Variants in TTN observed in about 807,000 individuals in gnomAD.
TTN encodes connectin.
In TTN, 1,525 loss-of-function variants were observed where a neutral mutation model predicts 3,223.0. The observed-to-expected ratio is 0.47, with a 90% CI of 0.45 to 0.49. The LOEUF is 0.49. TTN is among the 20% of genes least tolerant of loss of function. The pLI, the probability that TTN is intolerant of heterozygous loss-of-function variation, is 0.00. For missense variants in TTN, 40,786 were observed against 43,424.0 expected (o/e 0.94, Z 5.40); for synonymous variants, 14,094 against 15,161.0 (o/e 0.93, Z 5.17).
At chr2:178,715,819 T>C (rs1487190530) in intron 88 of TTN, 45 bp from the exon 89 acceptor site, 1 of 1,504,550 alleles carries the variant, frequency 6.6e-7, no homozygotes, top group Admixed American at 2.2e-5. Context: ...ATGGAACAGA[T>C]GCATATAATT....
chr2:178,615,233 T>A (rs1251223235), intron 259 of TTN, 74 bp downstream of exon 259: 2 of 1,539,794 alleles, frequency 1.3e-6, no homozygotes, highest in African/African-American at 2.8e-5. Context: ...GACAAACATT[T>A]AAATTTTCCC....
chr2:178,620,537 G>GAAGTGGCATACTTCACCTTGCACC lies in TTN; in HGVS notation c.45983_45984insGGTGCAAGGTGAAGTATGCCACTT (p.Leu15328_Asn15329insValGlnGlyGluValCysHisPhe). ...TTTTGGTCCACTTCAGTGTTACATTGAGACGATTCACCTTGCACCAGAATG... is the reference window on the plus strand; with the variant it reads ...TTTTGGTCCACTTCAGTGTTACATTGAAGTGGCATACTTCACCTTGCACCAGACGATTCACCTTGCACCAGAATG... On this transcript the variant is annotated inframe_insertion, in exon 248 of 363. Coordinates refer to ENST00000589042, the MANE Select transcript of TTN (RefSeq NM_001267550.2). 6.2e-7 allele frequency: 1 copy of GAAGTGGCATACTTCACCTTGCACC among 1,612,172 alleles called. No homozygotes were observed. Among genetic ancestry groups the GAAGTGGCATACTTCACCTTGCACC allele is most frequent in the Non-Finnish European group, 8.5e-7 (1 of 1,178,942 alleles).
chr2:178,713,381 TACAAAACAAAACAAA>T lies in TTN; in HGVS notation c.26762-24_26762-10del, dbSNP rs71393436. The stretch of plus-strand genomic sequence containing the variant: ...AGGAGGAACGGTTCGGTCTGAATGA[TACAAAACAAAACAAA>T]ACAAAACAAAACAAAAAAAACAAAG... On this transcript the variant is annotated splice_polypyrimidine_tract_variant and intron_variant, in intron 92 of 362. Coordinates refer to ENST00000589042, the MANE Select transcript of TTN (RefSeq NM_001267550.2). The T allele has an allele frequency of 5.4e-5, 80 of 1,469,042 alleles. No homozygotes were observed. The African/African-American group carries it at 7.8e-4, about 14-fold the overall frequency. 91.0% of individuals were successfully genotyped at this position (1,469,042 alleles called of 1,614,324 possible). A position where few individuals can be genotyped will look rare whatever the true frequency, so the allele number is the denominator to read the frequency against.
rs188073989 is a variant in TTN at position 178,735,720 on chromosome 2, C to T, written c.14726G>A (p.Cys4909Tyr). Reference sequence around the variant, plus strand: ...GACTTTTCTGTCTTCATCTACTTGGCACTCAAGGTGGACCTTCTTATTGAT... The same window carrying T: ...GACTTTTCTGTCTTCATCTACTTGGTACTCAAGGTGGACCTTCTTATTGAT... ...SAINKKVHLE[C>Y]QVDEDRKVTV... The change falls in exon 50 of 363, where the codon TGC becomes TAC. Residue 4909 changes from cysteine (C) to tyrosine (Y), a missense_variant. Physicochemically the swap from Cys to Tyr is radical, Grantham distance 194. Coordinates refer to ENST00000589042, the MANE Select transcript of TTN (RefSeq NM_001267550.2). The T allele has an allele frequency of 6.2e-7, 1 of 1,613,824 alleles. No individual in the cohort carries two copies. Among genetic ancestry groups the T allele is most frequent in the Non-Finnish European group, 8.5e-7 (1 of 1,179,814 alleles).
rs1226236213 is a variant in TTN, at chr2:178,641,892, G to C, written c.40558+345C>G. Reference sequence around the variant, plus strand: ...TGAATATTGAATTTAAGCTAAAGTAGTTTCATGTAAGGTATTTAATAGGTT... The same window carrying C: ...TGAATATTGAATTTAAGCTAAAGTACTTTCATGTAAGGTATTTAATAGGTT... On this transcript the variant is annotated intron_variant, in intron 219 of 362. Coordinates refer to ENST00000589042, the MANE Select transcript of TTN (RefSeq NM_001267550.2). Among the ~76,000 whole-genome samples the C allele has an allele frequency of 5.3e-5, 8 of 151,764 alleles. No individual in the cohort carries two copies. In the East Asian group the frequency reaches 9.7e-4, roughly 18 times the overall value.
rs2050890931 is a variant in TTN at position 178,594,143 on chromosome 2, T to G, written c.58250A>C (p.Lys19417Thr). The change falls in exon 297 of 363, where the codon AAG becomes ACG. Residue 19417 changes from lysine (K) to threonine (T), a missense_variant. Physicochemically the swap from Lys to Thr is moderately conservative, Grantham distance 78. Transcript: ENST00000589042. ...TGRYSGKPKP[K>T]VSWFKDEADV... is the part of the protein sequence containing the mutation. The stretch of plus-strand genomic sequence containing the variant: ...AGCTTCATCTTTGAACCAGGAAACC[T>G]TAGGCTTTGGTTTGCCTGAGTAACG... 1 of 1,613,394 alleles carries G rather than the reference T, an allele frequency of 6.2e-7. No individual in the cohort carries two copies. The highest frequency in any genetic ancestry group is 1.3e-5 in the African/African-American group (1 of 75,018).
chr2:178,729,439 A>C lies in TTN; in HGVS notation c.18717T>G (p.Ile6239Met). ...TCAATGTGTATTTTTTGCTGCTTCGAATTTCCCTGTTATTCTTCAGCCAAG... is the reference window on the plus strand; with the variant it reads ...TCAATGTGTATTTTTTGCTGCTTCGCATTTCCCTGTTATTCTTCAGCCAAG... Reference protein sequence around the residue: ...EVTWLKNNREIRSSKKYTLTD... With the variant: ...EVTWLKNNREMRSSKKYTLTD... The change falls in exon 64 of 363, where the codon ATT becomes ATG. Residue 6239 changes from isoleucine (I) to methionine (M), a missense_variant. Physicochemically the swap from Ile to Met is conservative, Grantham distance 10. Transcript: ENST00000589042. 6.2e-7 allele frequency: 1 copy of C among 1,613,606 alleles called. No individual in the cohort carries two copies. Among genetic ancestry groups the C allele is most frequent in the Non-Finnish European group, 8.5e-7 (1 of 1,179,644 alleles).
chr2:178,577,337 G>C lies in TTN; in HGVS notation c.68998C>G (p.Pro23000Ala). The C allele has an allele frequency of 6.2e-7, 1 of 1,612,670 alleles. No individual in the cohort carries two copies. Among genetic ancestry groups the C allele is most frequent in the South Asian group, 1.1e-5 (1 of 91,012 alleles). Reference protein sequence around the residue: ...PSDITQITSTPTSSMLTIKYA... With the variant: ...PSDITQITSTATSSMLTIKYA... Reference sequence around the variant, plus strand: ...TTGATAGTAAGCATGGAAGATGTTGGGGTTGAAGTTATCTGAGTGATATCT... The same window carrying C: ...TTGATAGTAAGCATGGAAGATGTTGCGGTTGAAGTTATCTGAGTGATATCT... Residue 23000 changes from proline to alanine, a missense_variant, in exon 324 of 363, where the codon CCA (proline) becomes GCA (alanine). By Grantham distance (27) the Pro-to-Ala change is conservative (BLOSUM62 -1). Transcript: ENST00000589042.
intron 218 of TTN, 57 bp from the exon 219 acceptor site, chr2:178,642,374 A>G: frequency 2.7e-6 from 4 of 1,479,648 alleles, no homozygotes; most frequent in Non-Finnish European, 3.7e-6. Context: ...CGGAATTTCA[A>G]CAAGAAAAAT....
At position 178,621,642 on chromosome 2, in the gene TTN, A is replaced by C; in HGVS notation, c.45182T>G (p.Val15061Gly). The C allele has an allele frequency of 6.2e-7, 1 of 1,612,252 alleles. No individual in the cohort carries two copies. Among genetic ancestry groups the C allele is most frequent in the Non-Finnish European group, 8.5e-7 (1 of 1,179,072 alleles). ...VCEVSKPGAE[V>G]IWYKGDEEII... ...CTCCTCATCCCCTTTATACCAAATC[A>C]CTTCTGCGCCAGGTTTGGAGACTTC... The change falls in exon 245 of 363, where the codon GTG becomes GGG. Residue 15061 changes from valine (V) to glycine (G), a missense_variant. Val to Gly is a moderately radical substitution (Grantham distance 109, BLOSUM62 -3). Coordinates refer to ENST00000589042, the MANE Select transcript of TTN (RefSeq NM_001267550.2).
Position 178,567,026 on chromosome 2 carries a change from A to C in TTN, c.79106T>G (p.Val26369Gly). ...TGGTGCAGATTCCAAAGGCTCTCCA[A>C]CACCATATTTGTTGACAGCCATTAT... The part of the protein sequence containing the change: ...FRIMAVNKYG[V>G]GEPLESAPVL... The change falls in exon 326 of 363, where the codon GTT (valine) becomes GGT (glycine). Residue 26369 changes from valine to glycine, a missense_variant. By Grantham distance (109) the Val-to-Gly change is moderately radical. Transcript: ENST00000589042. 6.2e-7 allele frequency: 1 copy of C among 1,613,588 alleles called. No homozygotes were observed. Among genetic ancestry groups the C allele is most frequent in the Non-Finnish European group, 8.5e-7 (1 of 1,179,644 alleles).
At position 178,794,985 on chromosome 2, in the gene TTN, A is replaced by G. The variant is rs1313979575; in HGVS notation, c.1182T>C (p.Ala394=). 2 of 1,608,086 alleles carry G rather than the reference A, an allele frequency of 1.2e-6. No homozygotes were observed. The highest frequency in any genetic ancestry group is 1.7e-6 in the Non-Finnish European group (2 of 1,179,974). ...EQVTISGAAG[A]AASVSASASY... ...TAGCACTGGCCGACACACTGGCGGC[A>G]GCACCCGCAGCACCACTGATGGTCA... is the stretch of plus-strand genomic sequence containing the variant. The change falls in exon 7 of 363, where the codon GCT becomes GCC. Residue 394 remains alanine, a synonymous_variant. Transcript: ENST00000589042.
At chr2:178,642,403 T>G in intron 218 of TTN, 86 bp from the exon 219 acceptor site, 1 of 1,139,904 alleles carries the variant, frequency 8.8e-7, no homozygotes, top group Non-Finnish European at 1.3e-6. Context: ...TAAAACTAGT[T>G]AACTGTAGTG....
At chr2:178,649,175 T>C in intron 213 of TTN, 73 bp downstream of exon 213, 2 of 1,146,548 alleles carry the variant, frequency 1.7e-6, no homozygotes, top group Non-Finnish European at 2.4e-6. Flanking sequence ...TTCAGTATGT[T>C]TTTCTCTAAG....
Position 178,530,376 on chromosome 2 carries a change from A to G in TTN, c.106239T>C (p.Pro35413=), listed in dbSNP as rs1688566947. The change falls in exon 358 of 363, where the codon CCT becomes CCC. Residue 35413 remains proline, a synonymous_variant. Coordinates refer to ENST00000589042, the MANE Select transcript of TTN (RefSeq NM_001267550.2). ...TVTRKTEPKA[P]EPISSKPVIV... ...TTACTGGTTTTGAGGAAATTGGTTC[A>G]GGAGCTTTTGGTTCAGTTTTTCTGG... is the stretch of plus-strand genomic sequence containing the variant. 1.2e-6 allele frequency: 2 copies of G among 1,613,870 alleles called. No individual in the cohort carries two copies. The highest frequency in any genetic ancestry group is 1.7e-6 in the Non-Finnish European group (2 of 1,179,886).
At chr2:178,795,297 G>T in intron 6 of TTN, 45 bp from the exon 7 acceptor site, 1 of 1,577,170 alleles carries the variant, frequency 6.3e-7, no homozygotes, top group Non-Finnish European at 8.7e-7. Flanking sequence ...AGCAAGGAGG[G>T]GTAACTGGAT....
At position 178,667,679 on chromosome 2, in the gene TTN, A is replaced by C. The variant is rs778012786; in HGVS notation, c.35588T>G (p.Leu11863Arg). 1 of 1,597,424 alleles carries C rather than the reference A, an allele frequency of 6.3e-7. No homozygotes were observed. The change falls in exon 160 of 363, where the codon CTT (leucine) becomes CGT (arginine). Residue 11863 changes from leucine to arginine, a missense_variant. Physicochemically the swap from Leu to Arg is moderately radical, Grantham distance 102 (BLOSUM62 -2). Coordinates refer to ENST00000589042, the MANE Select transcript of TTN (RefSeq NM_001267550.2). Reference sequence around the variant, plus strand: ...TTTTGTCTTTTGAGGTTGAGTCACAAGTACTTTTTCTTCTAGGACTGCTTC... The same window carrying C: ...TTTTGTCTTTTGAGGTTGAGTCACACGTACTTTTTCTTCTAGGACTGCTTC... The part of the protein sequence containing the change: ...SEEAVLEEKV[L>R]VTQPQKTKPK...
Position 178,712,891 on chromosome 2 carries a change from G to T in TTN, c.27134C>A (p.Thr9045Lys). 1 of 1,613,562 alleles carries T rather than the reference G, an allele frequency of 6.2e-7. No individual in the cohort carries two copies. Among genetic ancestry groups the T allele is most frequent in the Non-Finnish European group, 8.5e-7 (1 of 1,179,692 alleles). ...GAACCAGCTAACACTGAAAGGAGGT[G>T]TTCCTTTTACGATACTTGTGAAAGT... The part of the protein sequence containing the change: ...NVTFTSIVKG[T>K]PPFSVSWFKG... Residue 9045 changes from threonine (T) to lysine (K), a missense_variant, in exon 94 of 363, where the codon ACA (threonine) becomes AAA (lysine). Thr to Lys is a moderately conservative substitution (Grantham distance 78). Coordinates refer to ENST00000589042, the MANE Select transcript of TTN (RefSeq NM_001267550.2).
In TTN at chr2:178,793,410, A is replaced by T. The variant is rs752958037; in HGVS notation, c.1530T>A (p.His510Gln). The part of the protein sequence containing the change: ...TTKQEQMHVT[H>Q]EQIRKETEKT... The stretch of plus-strand genomic sequence containing the variant: ...AATACAAACCCATTTTCACCTGCTC[A>T]TGAGTTACGTGCATCTGCTCTTGCT... The change falls in exon 9 of 363, where the codon CAT (histidine) becomes CAA (glutamine). Residue 510 changes from histidine to glutamine, a missense_variant. His to Gln is a conservative substitution (Grantham distance 24). Transcript: ENST00000589042. The T allele has an allele frequency of 4.3e-6, 7 of 1,614,134 alleles. No individual in the cohort carries two copies. The South Asian group carries it at 7.7e-5, about 18-fold the overall frequency.
Sources: gnomAD v4.1 joint callset for allele counts (sites outside exome capture counted in the v4.1 genomes callset) on GRCh38, gnomAD v4.1.1 for gene constraint, MANE v1.5 for transcripts, NCBI Gene and HGNC (gene_info 2026-07-23, HGNC 2026-07-21) for gene names.